COL5A2: variants seen among roughly 807,000 people sequenced by gnomAD.
The protein encoded by COL5A2 is collagen type V alpha 2 chain, also known as collagen alpha-2(V) chain.
A neutral mutation model predicts 208.2 loss-of-function variants in COL5A2; 23 were observed. The ratio of observed to expected loss-of-function variants is 0.11; its 90% CI spans 0.08 to 0.16. The LOEUF (loss-of-function observed/expected upper bound fraction) is 0.16, where lower values mean the gene tolerates loss of function less well. Ranked by LOEUF, COL5A2 falls within the 10% of genes least tolerant of loss-of-function variation. COL5A2 has a pLI of 1.00. For synonymous variants in COL5A2, 625 were observed against 628.5 expected, an observed-to-expected ratio of 0.99 and a Z score of 0.08; for missense variants, 1,590 against 1,956.4, an observed-to-expected ratio of 0.81 and a Z score of 3.53.
chr2:189,319,760 G>C, the COL5A2 span, among the ~76,000 whole-genome samples: 1 of 152,238 alleles, frequency 6.6e-6, no homozygotes, highest in African/African-American at 2.4e-5. Flanking sequence ...CGAACAAAAG[G>C]CAGCAGAAAC....
chr2:189,105,343 C>T (rs1687128654), intron 2 of COL5A2, among the ~76,000 whole-genome samples: 1 of 151,550 alleles, frequency 6.6e-6, no homozygotes, highest in Non-Finnish European at 1.5e-5. Context: ...CACATTTCCC[C>T]ACAGGCAATA....
At chr2:189,167,294 T>TTA (rs890098224) in intron 1 of COL5A2, among the ~76,000 whole-genome samples, 3 of 152,188 alleles carry the variant, frequency 2.0e-5, no homozygotes, top group Admixed American at 6.5e-5. Context: ...TTCTATTTTA[T>TTA]TATGTCATCC....
chr2:189,068,919 A>C (rs1686211439), intron 18 of COL5A2, 35 bp from the exon 19 acceptor site: 1 of 1,404,534 alleles, frequency 7.1e-7, no homozygotes, highest in Admixed American at 1.7e-5. Context: ...TAATTTAAGA[A>C]AAATACGAGA....
chr2:189,148,495 GC>G (rs1688083248), intron 1 of COL5A2, among the ~76,000 whole-genome samples: 1 of 151,968 alleles, frequency 6.6e-6, no homozygotes, highest in African/African-American at 2.4e-5. Context: ...AGTGCGATAG[GC>G]CAGGGAAGTC....
chr2:189,301,442 TACCAA>T, the COL5A2 span, among the ~76,000 whole-genome samples: 2 of 152,204 alleles, frequency 1.3e-5, no homozygotes, highest in Non-Finnish European at 2.9e-5. Context: ...TCTTAGAAGT[TACCAA>T]ATTTGTATGT....
chr2:189,037,108 C>T (rs1453324470), intron 51 of COL5A2, among the ~76,000 whole-genome samples: 1 of 152,000 alleles, frequency 6.6e-6, no homozygotes, highest in East Asian at 1.9e-4. Flanking sequence ...CTATAGTAAG[C>T]GGCTTTACCA....
At chr2:189,276,981 C>T in the COL5A2 span, among the ~76,000 whole-genome samples, 1 of 152,032 alleles carries the variant, frequency 6.6e-6, no homozygotes, top group Non-Finnish European at 1.5e-5. Context: ...TCACTGTAGC[C>T]TAAATTGATA....
At chr2:189,166,005 A>G (rs1176815384) in intron 1 of COL5A2, among the ~76,000 whole-genome samples, 1 of 152,118 alleles carries the variant, frequency 6.6e-6, no homozygotes, top group African/African-American at 2.4e-5. Context: ...TAAAAAATAG[A>G]AGAGTCAAAG....
intron 1 of COL5A2, among the ~76,000 whole-genome samples, chr2:189,173,635 A>G (rs557419302): frequency 9.2e-5 from 14 of 152,306 alleles, no homozygotes; most frequent in African/African-American, 3.4e-4. Flanking sequence ...TATCTTCCTG[A>G]TAATTTCATT....
the COL5A2 span, among the ~76,000 whole-genome samples, chr2:189,385,249 C>T: frequency 6.6e-5 from 10 of 152,120 alleles, no homozygotes; most frequent in Non-Finnish European, 1.2e-4. Context: ...CCACAAGATT[C>T]CTAGAACTGA....
the COL5A2 span, chr2:189,311,623 C>T: frequency 5.7e-6 from 5 of 877,700 alleles, no homozygotes; most frequent in East Asian, 1.3e-4. Flanking sequence ...TCATAGAGTC[C>T]AGGTCCATCT....
At chr2:189,348,551 G>A in the COL5A2 span, among the ~76,000 whole-genome samples, 1 of 152,090 alleles carries the variant, frequency 6.6e-6, no homozygotes, top group African/African-American at 2.4e-5. Flanking sequence ...CTAGTACAAG[G>A]TTCTGACCAT....
chr2:189,307,633 C>T, the COL5A2 span, among the ~76,000 whole-genome samples: 1 of 152,276 alleles, frequency 6.6e-6, no homozygotes, highest in East Asian at 1.9e-4. Context: ...GCTTGCTGAA[C>T]TGCATTCTCA....
chr2:189,366,990 C>T, the COL5A2 span, among the ~76,000 whole-genome samples: 278 of 152,250 alleles, frequency 1.8e-3, 1 homozygote, highest in African/African-American at 6.4e-3. Flanking sequence ...TGTTGGCAGA[C>T]GATCTCATTT....
chr2:189,214,111 G>A (rs761366240), intron 1 of COL5A2, among the ~76,000 whole-genome samples: 1 of 152,012 alleles, frequency 6.6e-6, no homozygotes. Flanking sequence ...TTAAAAATAT[G>A]TAAAATGGCA....
At chr2:189,261,647 T>C in the COL5A2 span, among the ~76,000 whole-genome samples, 1 of 152,226 alleles carries the variant, frequency 6.6e-6, no homozygotes, top group Non-Finnish European at 1.5e-5. Context: ...AGATTAGATT[T>C]CCTGTTCTTT....
the COL5A2 span, among the ~76,000 whole-genome samples, chr2:189,325,047 C>A: frequency 2.6e-5 from 4 of 150,972 alleles, no homozygotes; most frequent in Non-Finnish European, 4.4e-5. Context: ...AACCATCATT[C>A]TCAGCAAACT....
chr2:189,405,231 C>CT, the COL5A2 span, among the ~76,000 whole-genome samples: 589 of 150,750 alleles, frequency 3.9e-3, 5 homozygotes, highest in African/African-American at 0.013. Context: ...AATTAAATGC[C>CT]TTTTTTTTCT....
chr2:189,359,732 T>C, the COL5A2 span, among the ~76,000 whole-genome samples: 1 of 152,166 alleles, frequency 6.6e-6, no homozygotes, highest in African/African-American at 2.4e-5. Context: ...TTATTACTGT[T>C]TTAATCATGT....
Sources: gnomAD v4.1 joint callset for allele counts (sites outside exome capture counted in the v4.1 genomes callset) on GRCh38, gnomAD v4.1.1 for gene constraint, MANE v1.5 for transcripts, NCBI Gene and HGNC (gene_info 2026-07-23, HGNC 2026-07-21) for gene names.